The following GRHL1 variants were observed in gnomAD, a reference collection of about 807,000 sequenced individuals.
GRHL1 encodes the protein grainyhead like transcription factor 1.
A neutral mutation model predicts 75.7 loss-of-function variants in GRHL1; 38 were observed. The ratio of observed to expected loss-of-function variants is 0.50; its 90% confidence interval spans 0.39 to 0.66. The LOEUF (loss-of-function observed/expected upper bound fraction) is 0.66, where lower values mean the gene tolerates loss of function less well. Ranked by LOEUF, GRHL1 falls within the 30% of genes least tolerant of loss-of-function variation. GRHL1 has a pLI of 0.00. For missense variants in GRHL1, 589 were observed against 767.5 expected (o/e 0.77, Z 2.75); for synonymous variants, 266 against 279.4 (o/e 0.95, Z 0.48).
chr2:9,977,648 A>C (rs1269000711), intron 8 of GRHL1, among the ~76,000 whole-genome samples: 6 of 152,122 alleles, frequency 3.9e-5, no homozygotes, highest in Admixed American at 3.9e-4. Flanking sequence ...AATGAACAAC[A>C]TCCCTGCCTT....
intron 15 of GRHL1, 71 bp from the exon 16 acceptor site, chr2:10,000,522 C>T (rs1311941890): frequency 2.6e-6 from 2 of 781,402 alleles, no homozygotes; most frequent in African/African-American, 1.7e-5. Flanking sequence ...GGAGAGCTAA[C>T]AGGTCAATCT....
chr2:9,982,236 G>A (rs1294738088), intron 8 of GRHL1, among the ~76,000 whole-genome samples: 2 of 152,216 alleles, frequency 1.3e-5, no homozygotes, highest in Non-Finnish European at 1.5e-5. Flanking sequence ...TTTAAGGAAA[G>A]GAAACCATGT....
At chr2:9,959,249 T>A (rs1667166091) in intron 3 of GRHL1, 1 of 153,442 alleles carries the variant, frequency 6.5e-6, no homozygotes, top group Admixed American at 6.5e-5. Context: ...AGTTAAATTG[T>A]ATTCAAATTC....
intron 8 of GRHL1, among the ~76,000 whole-genome samples, chr2:9,980,823 C>A (rs1668166728): frequency 6.6e-6 from 1 of 152,158 alleles, no homozygotes; most frequent in South Asian, 2.1e-4. Context: ...TGCGTGCATT[C>A]CTGTATGTTT....
chr2:9,964,155 T>G lies in GRHL1; in HGVS notation c.904-80T>G, dbSNP rs76112464. 895 of 1,306,966 alleles carry G rather than the reference T, an allele frequency of 6.8e-4. 2 individuals are homozygous for G. The African/African-American group carries it at 0.012, about 17-fold the overall frequency. The allele number at this position is 1,306,966 out of a possible 1,614,324, so 81.0% of individuals were successfully genotyped here. A position where few individuals can be genotyped will look rare whatever the true frequency, so the allele number is the denominator to read the frequency against. ...AAATTGCAGCTTTAAGCCTTCACTG[T>G]AAAATATAGTACTAAATACGTTTTC... On this transcript the variant is annotated intron_variant, in intron 6 of 15. Transcript: ENST00000324907.
chr2:9,983,010 C>T (rs1314317979), intron 8 of GRHL1, among the ~76,000 whole-genome samples: 2 of 152,200 alleles, frequency 1.3e-5, no homozygotes, highest in Admixed American at 6.5e-5. Flanking sequence ...GGGGCCAGCT[C>T]AAATGCTTTG....
At chr2:9,996,531 A>C in intron 14 of GRHL1, 130 bp downstream of exon 14, 1 of 690,238 alleles carries the variant, frequency 1.4e-6, no homozygotes, top group Non-Finnish European at 2.6e-6. Flanking sequence ...ACCTTTCTCG[A>C]GTCGTCGTGC....
chr2:9,961,489 G>A, intron 4 of GRHL1, 53 bp downstream of exon 4: 1 of 1,485,470 alleles, frequency 6.7e-7, no homozygotes, highest in Non-Finnish European at 9.1e-7. Context: ...TATAAGTATT[G>A]GGTTCCACCT....
intron 4 of GRHL1, among the ~76,000 whole-genome samples, chr2:9,961,922 T>G (rs925788658): frequency 6.6e-6 from 1 of 152,162 alleles, no homozygotes; most frequent in Non-Finnish European, 1.5e-5. Context: ...TTTATGGTGA[T>G]GAATACCTCA....
chr2:9,963,728 C>T (rs775594030), intron 5 of GRHL1, among the ~76,000 whole-genome samples, 158 bp from the exon 6 acceptor site: 4 of 152,214 alleles, frequency 2.6e-5, no homozygotes, highest in Non-Finnish European at 5.9e-5. Flanking sequence ...GCAATTTGTA[C>T]TTCCACCTCT....
At chr2:9,965,450 A>C in intron 8 of GRHL1, 69 bp downstream of exon 8, 1 of 841,374 alleles carries the variant, frequency 1.2e-6, no homozygotes, top group South Asian at 1.4e-5. Flanking sequence ...ATGATTTGAC[A>C]ACTGATTTTT....
intron 8 of GRHL1, among the ~76,000 whole-genome samples, chr2:9,985,478 A>G (rs564207457): frequency 1.3e-5 from 2 of 152,362 alleles, no homozygotes; most frequent in African/African-American, 2.4e-5. Context: ...CCTAGAAAGG[A>G]GTATGGAAAT....
At chr2:9,962,678 T>C (rs1333812359) in intron 5 of GRHL1, 147 bp downstream of exon 5, 1 of 598,708 alleles carries the variant, frequency 1.7e-6, no homozygotes, top group Non-Finnish European at 3.0e-6. Flanking sequence ...GTAGAGGACA[T>C]CTGCTTCAGT....
intron 3 of GRHL1, chr2:9,960,188 C>T (rs1351355830): frequency 6.6e-6 from 1 of 152,216 alleles, no homozygotes; most frequent in African/African-American, 2.4e-5. Flanking sequence ...CCTGTAATCG[C>T]AGCGCTTTGG....
rs568182663 is a variant in GRHL1 at position 9,968,065 on chromosome 2, C to G, written c.1110+2684C>G. ...TTTGGCCATGCCAGGATGAGTAAAA[C>G]TGAAAATCTGTCAACATCTGAATCT... On this transcript the variant is annotated intron_variant, in intron 8 of 15. Transcript: ENST00000324907. This position sits in a 1 kb window ranked among gnomAD's most constrained non-coding sequence, Gnocchi z 4.7. 5.9e-5 allele frequency among the ~76,000 whole-genome samples: 9 copies of G among 152,286 alleles called. No individual in the cohort carries two copies. Among genetic ancestry groups the G allele is most frequent in the African/African-American group, 1.9e-4 (8 of 41,542 alleles).
At chr2:9,988,127 G>A (rs975028481) in intron 9 of GRHL1, among the ~76,000 whole-genome samples, 2 of 152,018 alleles carry the variant, frequency 1.3e-5, no homozygotes, top group African/African-American at 4.8e-5. Flanking sequence ...CTGGGTGCTC[G>A]ACATTTTTGT....
chr2:9,966,032 T>G (rs1436289918), intron 8 of GRHL1: 1 of 152,248 alleles, frequency 6.6e-6, no homozygotes, highest in Non-Finnish European at 1.5e-5. Context: ...AGTGTGATCC[T>G]TCTCCACTCA....
intron 8 of GRHL1, among the ~76,000 whole-genome samples, chr2:9,978,655 T>C (rs1668053736): frequency 6.6e-6 from 1 of 152,132 alleles, no homozygotes; most frequent in Non-Finnish European, 1.5e-5. Flanking sequence ...TCTCACTTGG[T>C]CTTATGAACT....
intron 8 of GRHL1, among the ~76,000 whole-genome samples, chr2:9,974,795 T>C (rs926082337): frequency 2.0e-5 from 3 of 152,236 alleles, no homozygotes; most frequent in African/African-American, 7.2e-5. Flanking sequence ...ATTGAGCGAA[T>C]TGTTCGTTGC....
Sources: gnomAD v4.1 joint callset for allele counts (sites outside exome capture counted in the v4.1 genomes callset) on GRCh38, gnomAD v4.1.1 for gene constraint, Gnocchi (gnomAD v3.1) non-coding constraint, MANE v1.5 for transcripts, NCBI Gene and HGNC (gene_info 2026-07-23, HGNC 2026-07-21) for gene names.